The following MED17 variants were observed in gnomAD, a reference collection of about 807,000 sequenced individuals.
The protein encoded by MED17 is mediator of RNA polymerase II transcription subunit 17.
In MED17, 49 loss-of-function variants were observed where a neutral mutation model predicts 80.8. The ratio of observed to expected loss-of-function variants is 0.61; its 90% CI spans 0.48 to 0.77. The LOEUF (loss-of-function observed/expected upper bound fraction) is 0.77, where lower values mean the gene tolerates loss of function less well. MED17 is among the 30% of genes least tolerant of loss of function. The pLI is 0.00. For synonymous variants in MED17, 281 were observed against 280.4 expected, an observed-to-expected ratio of 1.00 and a Z score of -0.02; for missense variants, 718 against 787.0, an observed-to-expected ratio of 0.91 and a Z score of 1.05.
intron 6 of MED17, chr11:93,795,855 C>G (rs565132628): frequency 6.4e-6 from 1 of 156,128 alleles, no homozygotes; most frequent in South Asian, 1.9e-4. Context: ...AGCTTTTTCA[C>G]CAGTCTTTAG....
At chr11:93,792,441 T>C (rs1280235683) in intron 3 of MED17, among the ~76,000 whole-genome samples, 2 of 152,246 alleles carry the variant, frequency 1.3e-5, no homozygotes, top group Non-Finnish European at 2.9e-5. Context: ...ACAAATAATT[T>C]GTGTGCAAGA....
chr11:93,799,862 A>G (rs1476421757), intron 8 of MED17, among the ~76,000 whole-genome samples: 1 of 149,276 alleles, frequency 6.7e-6, no homozygotes, highest in South Asian at 2.1e-4. Context: ...TGTATGTGTC[A>G]GAGTGTGTGT....
chr11:93,787,673 G>T (rs1943784726), intron 1 of MED17, among the ~76,000 whole-genome samples: 1 of 151,998 alleles, frequency 6.6e-6, no homozygotes, highest in Admixed American at 6.6e-5. Context: ...TGGAAATTTT[G>T]TACAATTGTA....
intron 2 of MED17, chr11:93,788,881 A>C (rs1265260688): frequency 6.6e-6 from 1 of 152,118 alleles, no homozygotes; most frequent in East Asian, 1.9e-4. Context: ...ATTTTCTCTT[A>C]AGTCCCTGTT....
intron 9 of MED17, 25 bp from the exon 10 acceptor site, chr11:93,807,493 A>AT: frequency 8.2e-7 from 1 of 1,225,182 alleles, no homozygotes; most frequent in Non-Finnish European, 1.2e-6. Context: ...AACATCTCTG[A>AT]TTTTTAGTAT....
In MED17 at chr11:93,784,423, G is replaced by C; in HGVS notation, c.-91G>C. The C allele has an allele frequency of 1.3e-6, 2 of 1,482,950 alleles. No individual in the cohort carries two copies. The highest frequency in any genetic ancestry group is 1.8e-6 in the Non-Finnish European group (2 of 1,118,486). 91.9% of individuals were successfully genotyped at this position (1,482,950 alleles called of 1,614,324 possible). A position where few individuals can be genotyped will look rare whatever the true frequency, so the allele number is the denominator to read the frequency against. On this transcript the variant is annotated 5_prime_UTR_variant, in exon 1 of 12. Coordinates refer to ENST00000251871, the MANE Select transcript of MED17 (RefSeq NM_004268.5). ...TGAGGCACCGCGGCTGCGGGCTTCT[G>C]AGTTCCCGGCTCTCCGCAGGGAAGC...
At position 93,809,809 on chromosome 11, in the gene MED17, T is replaced by C. The variant is rs1565295186; in HGVS notation, c.1677T>C (p.Pro559=). The change falls in exon 11 of 12, where the codon CCT becomes CCC. Residue 559 remains proline, a synonymous_variant. Transcript: ENST00000251871. ...LSFSNHVGLG[P]IESIGNASAI... ...TCAGTAATCATGTGGGACTTGGACC[T>C]ATAGAGAGCATTGGTAATGCATCTG... 1.2e-6 allele frequency: 2 copies of C among 1,614,214 alleles called. No individual in the cohort carries two copies. Among genetic ancestry groups the C allele is most frequent in the Admixed American group, 1.7e-5 (1 of 60,028 alleles).
rs750831896 is a variant in MED17, at chr11:93,790,782, A to G, written c.626A>G (p.Tyr209Cys). Residue 209 changes from tyrosine to cysteine, a missense_variant, in exon 3 of 12, where the codon TAC becomes TGC. Physicochemically the swap from Tyr to Cys is radical, Grantham distance 194. Transcript: ENST00000251871. ...GATAAAATTCTCGGAGATCTGAGCTACAGAAGTGCAGGTATGAATAATTAT... is the reference window on the plus strand; with the variant it reads ...GATAAAATTCTCGGAGATCTGAGCTGCAGAAGTGCAGGTATGAATAATTAT... ...VGDKILGDLSYRSAGSLFPHH... is the reference protein window; with the variant it reads ...VGDKILGDLSCRSAGSLFPHH... 1.2e-6 allele frequency: 2 copies of G among 1,613,660 alleles called. No homozygotes were observed. Among genetic ancestry groups the G allele is most frequent in the African/African-American group, 1.3e-5 (1 of 74,938 alleles).
chr11:93,806,213 C>G (rs779985784), intron 9 of MED17: 1 of 152,010 alleles, frequency 6.6e-6, no homozygotes, highest in East Asian at 1.9e-4. Flanking sequence ...AGCTTGTGAC[C>G]GCCTGCCTCA....
intron 9 of MED17, among the ~76,000 whole-genome samples, chr11:93,804,015 A>G (rs1036502996): frequency 2.2e-4 from 5 of 22,978 alleles, no homozygotes; most frequent in Middle Eastern, 0.022. Flanking sequence ...ATATATATAT[A>G]TATATATATA....
rs1362431390 is a variant in MED17, at chr11:93,794,024, A to C, written c.848A>C (p.Lys283Thr). Residue 283 changes from lysine to threonine, a missense_variant, in exon 5 of 12, where the codon AAA (lysine) becomes ACA (threonine). Coordinates refer to ENST00000251871, the MANE Select transcript of MED17 (RefSeq NM_004268.5). ...TVNLFKRPLP[K>T]SKPGSPHWQT... ...AACCTCTTCAAACGACCTTTGCCCA[A>C]ATCCAAACCAGGTATGGTTATGTTC... is the stretch of plus-strand genomic sequence containing the variant. 6.2e-7 allele frequency: 1 copy of C among 1,613,060 alleles called. No homozygotes were observed.
intron 9 of MED17, among the ~76,000 whole-genome samples, chr11:93,805,698 C>T (rs1031568833): frequency 6.6e-6 from 1 of 152,206 alleles, no homozygotes; most frequent in African/African-American, 2.4e-5. Flanking sequence ...TTCCTTCACA[C>T]CTTGTTTTAA....
chr11:93,811,876 A>G lies in MED17; in HGVS notation c.1768A>G (p.Ser590Gly), dbSNP rs1475280394. The part of the protein sequence containing the change: ...ISVRNGPESG[S>G]KIMVQFPRNQ... The stretch of plus-strand genomic sequence containing the variant: ...AGTTCGTAATGGACCTGAAAGTGGC[A>G]GCAAGATTATGGTTCAGTTTCCTCG... Residue 590 changes from serine (S) to glycine (G), a missense_variant, in exon 12 of 12, where the codon AGC becomes GGC. Physicochemically the swap from Ser to Gly is moderately conservative, Grantham distance 56. Transcript: ENST00000251871. The G allele has an allele frequency of 2.5e-6, 4 of 1,614,046 alleles. No homozygotes were observed. The highest frequency in any genetic ancestry group is 3.4e-6 in the Non-Finnish European group (4 of 1,180,018).
At chr11:93,788,373 G>A (rs2135709721) in intron 2 of MED17, 1 of 494,782 alleles carries the variant, frequency 2.0e-6, no homozygotes, top group African/African-American at 1.9e-5. Flanking sequence ...GAAGAGTTAA[G>A]TTTCATTAAG....
chr11:93,803,131 T>C (rs1392144256), intron 9 of MED17, among the ~76,000 whole-genome samples: 1 of 152,160 alleles, frequency 6.6e-6, no homozygotes, highest in Non-Finnish European at 1.5e-5. Flanking sequence ...AGGTGTGCAC[T>C]ACGATACCCT....
At chr11:93,795,722 A>C (rs1356383005) in intron 6 of MED17, 1 of 153,702 alleles carries the variant, frequency 6.5e-6, no homozygotes, top group Non-Finnish European at 1.4e-5. Flanking sequence ...CTTAGAAGGA[A>C]GTAGGTTTTA....
At chr11:93,804,316 T>A (rs1425372443) in intron 9 of MED17, among the ~76,000 whole-genome samples, 1 of 152,006 alleles carries the variant, frequency 6.6e-6, no homozygotes, top group Admixed American at 6.6e-5. Flanking sequence ...CCCACCCAGA[T>A]TAAGGGTGGG....
rs1241410795 is a variant in MED17 at position 93,788,179 on chromosome 11, C to T, written c.417+12C>T. The T allele has an allele frequency of 6.2e-7, 1 of 1,605,172 alleles. No individual in the cohort carries two copies. The highest frequency in any genetic ancestry group is 1.3e-5 in the African/African-American group (1 of 74,738). ...TTCCTCCAAAACAGGTATTTGTGGACTTTAATTGAATAATAAAATTTTATT... is the reference window on the plus strand; with the variant it reads ...TTCCTCCAAAACAGGTATTTGTGGATTTTAATTGAATAATAAAATTTTATT... On this transcript the variant is annotated intron_variant, in intron 2 of 11. Transcript: ENST00000251871.
Position 93,813,271 on chromosome 11 carries a change from A to C in MED17, c.*1207A>C, listed in dbSNP as rs574240268. On this transcript the variant is annotated 3_prime_UTR_variant, in exon 12 of 12. Transcript: ENST00000251871. Reference sequence around the variant, plus strand: ...ATTTGTAAGATGACTGTGCAGTAATAAAAGTCCTTTGTATTTCTCCACCGT... The same window carrying C: ...ATTTGTAAGATGACTGTGCAGTAATCAAAGTCCTTTGTATTTCTCCACCGT... The C allele has an allele frequency of 6.6e-6, 1 of 152,322 alleles. No individual in the cohort carries two copies. The highest frequency in any genetic ancestry group is 2.1e-4 in the South Asian group (1 of 4,830). The allele number at this position is 152,322 out of a possible 1,614,324, so 9.4% of individuals were successfully genotyped here.
Sources: allele counts gnomAD v4.1 joint callset (sites outside exome capture counted in the v4.1 genomes callset), GRCh38; gene constraint gnomAD v4.1.1; transcripts MANE v1.5; gene names NCBI Gene and HGNC (gene_info 2026-07-23, HGNC 2026-07-21).